The following SLC24A2 variants were observed in gnomAD, a reference collection of about 807,000 sequenced individuals.
SLC24A2 encodes solute carrier family 24 member 2, also known as sodium/potassium/calcium exchanger 2.
Under a neutral mutation model 62.0 loss-of-function variants are expected in SLC24A2, and 36 were observed. The ratio of observed to expected loss-of-function variants is 0.58; its 90% CI spans 0.44 to 0.77. The LOEUF (loss-of-function observed/expected upper bound fraction) is 0.77, where lower values mean the gene tolerates loss of function less well. SLC24A2 is among the 30% of genes least tolerant of loss of function. SLC24A2 has a pLI of 0.00. For missense variants in SLC24A2, 846 were observed against 817.9 expected (o/e 1.03, Z -0.42); for synonymous variants, 358 against 294.0 (o/e 1.22, Z -2.23).
the SLC24A2 span, among the ~76,000 whole-genome samples, chr9:19,977,859 C>G: frequency 1.5e-3 from 232 of 152,222 alleles, 1 homozygote; most frequent in Admixed American, 5.7e-3. Flanking sequence ...ACACAGAGCT[C>G]CCAGCCCCAC....
chr9:19,790,270 T>C (rs1245384874), upstream of SLC24A2, among the ~76,000 whole-genome samples: 1 of 152,136 alleles, frequency 6.6e-6, no homozygotes, highest in Non-Finnish European at 1.5e-5. Flanking sequence ...TTCAAACATA[T>C]ACAAATGTAA....
chr9:20,184,994 C>T, the SLC24A2 span, among the ~76,000 whole-genome samples: 8 of 151,986 alleles, frequency 5.3e-5, no homozygotes, highest in South Asian at 4.2e-4. Flanking sequence ...AAGTCAGGCA[C>T]GGAAAAACAA....
chr9:19,987,908 C>T, the SLC24A2 span, among the ~76,000 whole-genome samples: 2 of 152,176 alleles, frequency 1.3e-5, no homozygotes, highest in East Asian at 3.8e-4. Context: ...TACCACTCCT[C>T]ATCTTGTGTT....
chr9:19,930,456 G>C, the SLC24A2 span, among the ~76,000 whole-genome samples: 1 of 152,126 alleles, frequency 6.6e-6, no homozygotes, highest in African/African-American at 2.4e-5. Context: ...ATCTAAGTTC[G>C]TGTAACACAA....
the SLC24A2 span, among the ~76,000 whole-genome samples, chr9:20,304,061 C>T: frequency 6.6e-6 from 1 of 152,142 alleles, no homozygotes; most frequent in African/African-American, 2.4e-5. Context: ...AGTACTAATT[C>T]GTTAGTCTTG....
chr9:19,909,997 T>A, the SLC24A2 span, among the ~76,000 whole-genome samples: 2 of 152,090 alleles, frequency 1.3e-5, no homozygotes, highest in Non-Finnish European at 2.9e-5. Flanking sequence ...CAAAATAATA[T>A]TTATTGAGTG....
At chr9:20,201,545 T>C in the SLC24A2 span, among the ~76,000 whole-genome samples, 1 of 152,180 alleles carries the variant, frequency 6.6e-6, no homozygotes, top group South Asian at 2.1e-4. Flanking sequence ...AAAAGAGAGC[T>C]GTCATGTTAC....
the SLC24A2 span, among the ~76,000 whole-genome samples, chr9:20,078,746 C>A: frequency 2.6e-5 from 4 of 152,156 alleles, no homozygotes; most frequent in African/African-American, 4.8e-5. Flanking sequence ...TTGCCGTAAC[C>A]TAAAGAATCT....
intron 2 of SLC24A2, among the ~76,000 whole-genome samples, chr9:19,737,704 AT>A: frequency 6.6e-6 from 1 of 152,226 alleles, no homozygotes; most frequent in Non-Finnish European, 1.5e-5. Context: ...AATATTCAAC[AT>A]TATACGTTAA....
At chr9:20,245,649 G>A in the SLC24A2 span, among the ~76,000 whole-genome samples, 1 of 152,196 alleles carries the variant, frequency 6.6e-6, no homozygotes, top group Non-Finnish European at 1.5e-5. Flanking sequence ...AAAAGGTCAA[G>A]CGAATTGAGA....
the SLC24A2 span, among the ~76,000 whole-genome samples, chr9:20,302,503 T>C: frequency 2.0e-5 from 3 of 152,246 alleles, no homozygotes; most frequent in African/African-American, 7.2e-5. Context: ...TCTTTTCATA[T>C]GCTTATTTGC....
At chr9:19,936,134 C>G in the SLC24A2 span, among the ~76,000 whole-genome samples, 1 of 152,064 alleles carries the variant, frequency 6.6e-6, no homozygotes, top group African/African-American at 2.4e-5. Flanking sequence ...TAGAGCCCAC[C>G]GTGATACCAG....
At chr9:19,938,490 A>G in the SLC24A2 span, among the ~76,000 whole-genome samples, 1 of 152,162 alleles carries the variant, frequency 6.6e-6, no homozygotes. Context: ...TAATAGAGGT[A>G]TGGTTTATTA....
upstream of SLC24A2, among the ~76,000 whole-genome samples, chr9:19,792,550 A>T (rs1823331217): frequency 6.6e-6 from 1 of 150,768 alleles, no homozygotes; most frequent in Non-Finnish European, 1.5e-5. Flanking sequence ...AAAAAAAAAA[A>T]AAAAAAAAAA....
At chr9:20,228,428 T>A in the SLC24A2 span, among the ~76,000 whole-genome samples, 5 of 151,986 alleles carry the variant, frequency 3.3e-5, no homozygotes, top group Admixed American at 2.0e-4. Context: ...ACACTGATGA[T>A]GGAGCATGAA....
intron 2 of SLC24A2, among the ~76,000 whole-genome samples, chr9:19,672,379 C>T (rs1029884926): frequency 2.7e-5 from 4 of 146,334 alleles, no homozygotes; most frequent in East Asian, 1.9e-4. Context: ...CTGTGGTATC[C>T]GTTGTAATAG....
At chr9:19,830,922 T>C in the SLC24A2 span, among the ~76,000 whole-genome samples, 3 of 152,182 alleles carry the variant, frequency 2.0e-5, no homozygotes, top group Non-Finnish European at 4.4e-5. Context: ...GACCAAGGCA[T>C]CAGCAGGGTT....
At chr9:19,741,460 C>G (rs769227381) in intron 2 of SLC24A2, among the ~76,000 whole-genome samples, 1 of 152,200 alleles carries the variant, frequency 6.6e-6, no homozygotes, top group Non-Finnish European at 1.5e-5. Context: ...CCAACACTCA[C>G]ATAACAGCCT....
the SLC24A2 span, among the ~76,000 whole-genome samples, chr9:20,230,880 G>A: frequency 2.0e-3 from 307 of 152,310 alleles, 12 homozygotes; most frequent in South Asian, 0.059. Context: ...TAACATGTAA[G>A]TCTTTAATCC....
Sources: gnomAD v4.1 joint callset for allele counts (sites outside exome capture counted in the v4.1 genomes callset) on GRCh38, gnomAD v4.1.1 for gene constraint, MANE v1.5 for transcripts, NCBI Gene and HGNC (gene_info 2026-07-23, HGNC 2026-07-21) for gene names.